The following PDZRN3 variants were observed in gnomAD, a reference collection of about 807,000 sequenced individuals.
The protein encoded by PDZRN3 is E3 ubiquitin-protein ligase PDZRN3.
PDZRN3 carries 38 observed loss-of-function variants against 85.7 expected under a neutral mutation model. That is an observed-to-expected ratio of 0.44 (90% CI 0.34 to 0.58). The LOEUF is 0.58. Ranked by LOEUF, PDZRN3 falls within the 20% of genes least tolerant of loss-of-function variation. PDZRN3 has a pLI of 0.01. For missense variants in PDZRN3, 1,629 were observed against 1,506.4 expected (o/e 1.08, Z -1.35); for synonymous variants, 759 against 638.0 (o/e 1.19, Z -2.86).
intron 3 of PDZRN3, among the ~76,000 whole-genome samples, chr3:73,499,064 C>T (rs143658190): frequency 1.1e-3 from 169 of 152,174 alleles, no homozygotes; most frequent in African/African-American, 3.8e-3. Context: ...TCCCAGTGGC[C>T]GGTGACACCG....
chr3:73,504,310 C>T (rs1431163101), intron 3 of PDZRN3, among the ~76,000 whole-genome samples: 1 of 152,140 alleles, frequency 6.6e-6, no homozygotes, highest in Non-Finnish European at 1.5e-5. Context: ...AGAAAGGAAA[C>T]ATATTCTCTT....
intron 3 of PDZRN3, among the ~76,000 whole-genome samples, chr3:73,432,982 G>A (rs1426989023): frequency 6.6e-6 from 1 of 152,176 alleles, no homozygotes; most frequent in Admixed American, 6.5e-5. Context: ...TATCTGGGTT[G>A]TATCGTAAAT....
At chr3:73,542,041 GA>G (rs934356690) in intron 3 of PDZRN3, among the ~76,000 whole-genome samples, 2 of 151,932 alleles carry the variant, frequency 1.3e-5, no homozygotes, top group African/African-American at 2.4e-5. Context: ...AAATTATGGG[GA>G]AAAAAAGAGA....
chr3:73,439,874 G>A (rs1702599625), intron 3 of PDZRN3, among the ~76,000 whole-genome samples: 1 of 151,924 alleles, frequency 6.6e-6, no homozygotes, highest in African/African-American at 2.4e-5. Flanking sequence ...GAATAGCTGG[G>A]ACTACAGGCA....
chr3:73,606,684 C>G (rs982446329), intron 2 of PDZRN3, among the ~76,000 whole-genome samples: 1 of 152,194 alleles, frequency 6.6e-6, no homozygotes, highest in Non-Finnish European at 1.5e-5. Context: ...CCCCATCTAC[C>G]TTCATATTTA....
intron 3 of PDZRN3, among the ~76,000 whole-genome samples, chr3:73,548,334 A>G (rs1485241853): frequency 6.6e-6 from 1 of 152,202 alleles, no homozygotes; most frequent in Non-Finnish European, 1.5e-5. Flanking sequence ...GGCTGCTGGG[A>G]GTTACGAAGC....
chr3:73,399,080 C>A (rs144669274), intron 5 of PDZRN3, among the ~76,000 whole-genome samples: 19 of 151,978 alleles, frequency 1.3e-4, no homozygotes, highest in Middle Eastern at 3.4e-3. Flanking sequence ...TTTTCCAGAG[C>A]GGGGGGCTGT....
chr3:73,604,466 C>G (rs1431932310), intron 2 of PDZRN3, among the ~76,000 whole-genome samples: 2 of 152,168 alleles, frequency 1.3e-5, no homozygotes, highest in Non-Finnish European at 2.9e-5. Flanking sequence ...TGGTATGGCT[C>G]AGTTTCAAAC....
chr3:73,450,004 T>TGA (rs1199462931), intron 3 of PDZRN3, among the ~76,000 whole-genome samples: 4 of 152,222 alleles, frequency 2.6e-5, no homozygotes, highest in African/African-American at 9.6e-5. Context: ...AGGACGATGA[T>TGA]GAGAAGGGTC....
intron 3 of PDZRN3, among the ~76,000 whole-genome samples, chr3:73,504,973 G>C (rs147879462): frequency 2.0e-4 from 31 of 152,208 alleles, no homozygotes; most frequent in Non-Finnish European, 8.8e-5. Flanking sequence ...GAATGTGCTT[G>C]TGATAGGAAA....
intron 3 of PDZRN3, among the ~76,000 whole-genome samples, chr3:73,429,166 C>T (rs983803303): frequency 2.0e-5 from 3 of 152,186 alleles, no homozygotes; most frequent in Admixed American, 6.5e-5. Context: ...CCACCTCAGC[C>T]TCCCAAAGTG....
chr3:73,384,119 T>G lies in PDZRN3; in HGVS notation c.2447A>C (p.Glu816Ala), dbSNP rs777775131. 1.9e-6 allele frequency: 3 copies of G among 1,614,060 alleles called. No individual in the cohort carries two copies. The highest frequency in any genetic ancestry group is 8.5e-7 in the Non-Finnish European group (1 of 1,180,010). Residue 816 changes from glutamate to alanine, a missense_variant, in exon 10 of 10, where the codon GAA (glutamate) becomes GCA (alanine). Coordinates refer to ENST00000263666, the MANE Select transcript of PDZRN3 (RefSeq NM_015009.3). Reference sequence around the variant, plus strand: ...CGGGCTATAGGTAGGGGTGCCCACTTCGGGATCTTCCGTGATGGAGAGCAG... The same window carrying G: ...CGGGCTATAGGTAGGGGTGCCCACTGCGGGATCTTCCGTGATGGAGAGCAG... ...KNLLSITEDP[E>A]VGTPTYSPSL...
At chr3:73,474,646 G>C in intron 3 of PDZRN3, 4 of 1,179,384 alleles carry the variant, frequency 3.4e-6, no homozygotes, top group African/African-American at 1.6e-5. Flanking sequence ...GTTGTGGCAA[G>C]GGTGTACACT....
chr3:73,581,325 C>T (rs546857331), intron 3 of PDZRN3, among the ~76,000 whole-genome samples: 30 of 152,176 alleles, frequency 2.0e-4, no homozygotes, highest in Non-Finnish European at 4.1e-4. Flanking sequence ...CATGACTCTA[C>T]TTTTGGAAGA....
intron 3 of PDZRN3, among the ~76,000 whole-genome samples, chr3:73,598,358 A>G (rs746960826): frequency 2.6e-5 from 4 of 152,248 alleles, no homozygotes; most frequent in Non-Finnish European, 5.9e-5. Flanking sequence ...AATGAATATT[A>G]AAGACATCAG....
At position 73,624,109 on chromosome 3, in the gene PDZRN3, G is replaced by A. The variant is rs1315350076; in HGVS notation, c.717C>T (p.Gly239=). ...SLSRCVAAPP[G]GKGEETKSLT... ...GCGGGCAGCAGGCGCCTACCTTGCC[G>A]CCGGGCGGCGCGGCCACGCAGCGGC... The change falls in exon 1 of 10, where the codon GGC becomes GGT. Residue 239 remains glycine (G), a synonymous_variant. Coordinates refer to ENST00000263666, the MANE Select transcript of PDZRN3 (RefSeq NM_015009.3). The A allele has an allele frequency of 1.4e-6, 2 of 1,458,632 alleles. No individual in the cohort carries two copies. The highest frequency in any genetic ancestry group is 3.0e-5 in the East Asian group (1 of 33,666). 90.4% of individuals were successfully genotyped at this position (1,458,632 alleles called of 1,614,324 possible).
intron 1 of PDZRN3, among the ~76,000 whole-genome samples, chr3:73,622,353 A>G (rs112120244): frequency 0.053 from 8,097 of 152,244 alleles, 587 homozygotes; most frequent in African/African-American, 0.17. Flanking sequence ...GAGGGCAGAG[A>G]GAGGCAAAGC....
intron 3 of PDZRN3, among the ~76,000 whole-genome samples, chr3:73,434,385 A>G (rs2106807367): frequency 6.6e-6 from 1 of 152,364 alleles, no homozygotes; most frequent in East Asian, 1.9e-4. Context: ...AATAATGTTC[A>G]TATAATATTT....
intron 3 of PDZRN3, among the ~76,000 whole-genome samples, chr3:73,406,641 T>C (rs1192766754): frequency 6.6e-6 from 1 of 152,198 alleles, no homozygotes; most frequent in Non-Finnish European, 1.5e-5. Flanking sequence ...TGAATTCAGA[T>C]ATTAGGATTT....
Sources: gnomAD v4.1 joint callset for allele counts (sites outside exome capture counted in the v4.1 genomes callset) on GRCh38, gnomAD v4.1.1 for gene constraint, MANE v1.5 for transcripts, NCBI Gene and HGNC (gene_info 2026-07-23, HGNC 2026-07-21) for gene names.